DPP6: variants seen among roughly 807,000 people sequenced by gnomAD.
DPP6 encodes A-type potassium channel modulatory protein DPP6.
In DPP6, 69 loss-of-function variants were observed where a neutral mutation model predicts 122.6. The observed-to-expected ratio is 0.56, with a 90% confidence interval of 0.46 to 0.69. The LOEUF (loss-of-function observed/expected upper bound fraction) is 0.69, where lower values mean the gene tolerates loss of function less well. Ranked by LOEUF, DPP6 falls within the 30% of genes least tolerant of loss-of-function variation. DPP6 has a pLI of 0.00. For synonymous variants in DPP6, 418 were observed against 433.1 expected, an observed-to-expected ratio of 0.97 and a Z score of 0.43; for missense variants, 928 against 1,116.9, an observed-to-expected ratio of 0.83 and a Z score of 2.41.
In DPP6 at chr7:154,760,716, C is replaced by T. The variant is rs1246366128; in HGVS notation, c.884-8701C>T. Among the ~76,000 whole-genome samples the T allele has an allele frequency of 6.6e-6, 1 of 151,976 alleles. No individual in the cohort carries two copies. The highest frequency in any genetic ancestry group is 2.4e-5 in the African/African-American group (1 of 41,358). ...GGCAGGTGAGCAGAAGACATCAGGC[C>T]CAGAAGTTCTGGAAGCTCCCTCAGG... On this transcript the variant is annotated intron_variant, in intron 8 of 25. Transcript: ENST00000377770. This position sits in a 1 kb window ranked among gnomAD's most constrained non-coding sequence, Gnocchi z 4.5.
chr7:154,352,259 C>T (rs890453175), intron 1 of DPP6, among the ~76,000 whole-genome samples: 2 of 151,974 alleles, frequency 1.3e-5, no homozygotes, highest in African/African-American at 4.8e-5. Flanking sequence ...GTCAGGAGAT[C>T]GAGACCATCC....
chr7:154,662,552 TCAGCCGTAG>T (rs1161061347), intron 6 of DPP6, among the ~76,000 whole-genome samples: 13 of 59,626 alleles, frequency 2.2e-4, no homozygotes, highest in Non-Finnish European at 3.7e-4. Flanking sequence ...CCATGGCGTA[TCAGCCGTAG>T]TGTTCATATA....
At chr7:154,656,586 A>C (rs1201874980) in intron 6 of DPP6, among the ~76,000 whole-genome samples, 1 of 152,206 alleles carries the variant, frequency 6.6e-6, no homozygotes, top group Non-Finnish European at 1.5e-5. Context: ...TGGAAGCCAT[A>C]TTGCAGTGGG....
intron 1 of DPP6, among the ~76,000 whole-genome samples, chr7:154,082,846 C>CTTTTTTTTTTT (rs1174987723): frequency 4.7e-5 from 5 of 106,266 alleles, no homozygotes; most frequent in East Asian, 2.7e-4. Context: ...TTTTCTTTTT[C>CTTTTTTTTTTT]TTTTTTTTTT....
chr7:153,992,241 G>T (rs2533601), intron 1 of DPP6, among the ~76,000 whole-genome samples: 76 of 152,232 alleles, frequency 5.0e-4, no homozygotes, highest in African/African-American at 1.6e-3. Context: ...AGCTCTATCT[G>T]TTCATTTGCA....
At chr7:154,583,282 G>A (rs1017589740) in intron 5 of DPP6, among the ~76,000 whole-genome samples, 13 of 152,210 alleles carry the variant, frequency 8.5e-5, no homozygotes, top group African/African-American at 2.4e-4. Context: ...TCTGGTGACG[G>A]CTCACCTCTT....
At chr7:154,089,135 C>A (rs1487527190) in intron 1 of DPP6, among the ~76,000 whole-genome samples, 2 of 152,202 alleles carry the variant, frequency 1.3e-5, no homozygotes, top group African/African-American at 4.8e-5. Flanking sequence ...TTGGATTTCT[C>A]AAGAGTGACT....
chr7:154,212,659 A>G (rs76541571), intron 1 of DPP6, among the ~76,000 whole-genome samples: 110 of 152,344 alleles, frequency 7.2e-4, no homozygotes, highest in African/African-American at 2.6e-3. Flanking sequence ...TTGTATAAGT[A>G]GAAATGGATG....
At chr7:154,060,689 C>A (rs1350050674) in intron 1 of DPP6, among the ~76,000 whole-genome samples, 23 of 148,392 alleles carry the variant, frequency 1.5e-4, no homozygotes, top group African/African-American at 5.7e-4. Context: ...CCCTCTTCCG[C>A]CCCTGGCTGT....
chr7:154,741,149 C>A (rs961605570), intron 8 of DPP6, among the ~76,000 whole-genome samples: 2 of 152,204 alleles, frequency 1.3e-5, no homozygotes, highest in Admixed American at 1.3e-4. Flanking sequence ...TCTTCCCCAG[C>A]CTTCAAGCAA....
intron 6 of DPP6, among the ~76,000 whole-genome samples, chr7:154,654,402 A>AATCTATCT (rs200000961): frequency 0.042 from 852 of 20,392 alleles, 66 homozygotes; most frequent in South Asian, 0.12. Flanking sequence ...TCTATATCCA[A>AATCTATCT]ATCTTTCTTT....
At chr7:153,996,870 C>T (rs1797462478) in intron 1 of DPP6, among the ~76,000 whole-genome samples, 1 of 152,028 alleles carries the variant, frequency 6.6e-6, no homozygotes, top group Non-Finnish European at 1.5e-5. Flanking sequence ...AAAAGGAAAC[C>T]AATCATGTCT....
intron 16 of DPP6, among the ~76,000 whole-genome samples, chr7:154,842,343 G>A (rs984832795): frequency 2.0e-5 from 3 of 152,218 alleles, no homozygotes; most frequent in African/African-American, 7.2e-5. Flanking sequence ...GAGGAAGGGA[G>A]ACAAGCCCTG....
intron 1 of DPP6, among the ~76,000 whole-genome samples, chr7:154,170,832 T>A (rs1797500286): frequency 6.6e-6 from 1 of 152,182 alleles, no homozygotes; most frequent in African/African-American, 2.4e-5. Context: ...GATATTTTTT[T>A]CCCAAAGCCT....
chr7:154,700,854 G>A (rs1256277688), intron 7 of DPP6, among the ~76,000 whole-genome samples: 1 of 152,024 alleles, frequency 6.6e-6, no homozygotes, highest in Non-Finnish European at 1.5e-5. Flanking sequence ...TAGGGCGGTG[G>A]CCCCTCGAAC....
chr7:154,439,290 C>A (rs1043573840), intron 1 of DPP6, among the ~76,000 whole-genome samples: 1 of 152,166 alleles, frequency 6.6e-6, no homozygotes, highest in African/African-American at 2.4e-5. Flanking sequence ...CTTTAAGACG[C>A]TGTTATCATA....
Position 154,266,704 on chromosome 7 carries a change from C to T in DPP6, c.244-179510C>T, listed in dbSNP as rs545351387. Among the ~76,000 whole-genome samples, 108 of 152,308 alleles carry T rather than the reference C, an allele frequency of 7.1e-4. 1 individual carries two copies. The highest frequency in any genetic ancestry group is 2.5e-3 in the African/African-American group (103 of 41,572). ...ATCACATAAGTTCATATAAATCAAT[C>T]AATATGATTACATATCTGTTCAATG... On this transcript the variant is annotated intron_variant, in intron 1 of 25. Coordinates refer to ENST00000377770, the MANE Select transcript of DPP6 (RefSeq NM_130797.4).
intron 17 of DPP6, among the ~76,000 whole-genome samples, chr7:154,867,471 C>T (rs1222396251): frequency 1.3e-5 from 2 of 152,238 alleles, no homozygotes; most frequent in Non-Finnish European, 2.9e-5. Flanking sequence ...TCCACAAATA[C>T]AGTCACCGAA....
chr7:154,220,867 T>C (rs1800263898), intron 1 of DPP6, among the ~76,000 whole-genome samples: 1 of 152,222 alleles, frequency 6.6e-6, no homozygotes, highest in African/African-American at 2.4e-5. Context: ...CAAGTTTTGC[T>C]GTGGCTCTTC....
Sources: allele counts gnomAD v4.1 joint callset (sites outside exome capture counted in the v4.1 genomes callset), GRCh38; gene constraint gnomAD v4.1.1; non-coding constraint Gnocchi (gnomAD v3.1); transcripts MANE v1.5; gene names NCBI Gene and HGNC (gene_info 2026-07-23, HGNC 2026-07-21).